RBX1: variants seen among roughly 807,000 people sequenced by gnomAD.
RBX1 encodes the protein ring-box 1.
For missense variants in RBX1, 46 were observed against 141.4 expected (o/e 0.33, Z 3.42); for synonymous variants, 48 against 47.9 (o/e 1.00, Z -0.01).
intron 4 of RBX1, among the ~76,000 whole-genome samples, chr22:40,969,100 G>A (rs1194875031): frequency 2.6e-5 from 4 of 152,184 alleles, no homozygotes; most frequent in Non-Finnish European, 4.4e-5. Context: ...GATCACCTGA[G>A]GTTGGGTGTT....
chr22:40,954,291 C>G (rs925393610), intron 2 of RBX1, among the ~76,000 whole-genome samples: 2 of 150,836 alleles, frequency 1.3e-5, no homozygotes, highest in African/African-American at 2.4e-5. Context: ...AAAAGTCTAT[C>G]TGATCTAATT....
intron 1 of RBX1, among the ~76,000 whole-genome samples, chr22:40,951,809 G>A (rs6002207): frequency 0.056 from 8,446 of 150,944 alleles, 316 homozygotes; most frequent in East Asian, 0.19. Flanking sequence ...GGTAGGGTGG[G>A]GTGGGGTGGG....
At chr22:40,957,369 G>A (rs1177514698) in intron 2 of RBX1, among the ~76,000 whole-genome samples, 1 of 151,626 alleles carries the variant, frequency 6.6e-6, no homozygotes, top group Non-Finnish European at 1.5e-5. Context: ...CTCTTGGCCA[G>A]GTGAGGTGGG....
intron 4 of RBX1, 40 bp from the exon 5 acceptor site, chr22:40,972,436 T>G (rs909758993): frequency 1.3e-6 from 2 of 1,566,632 alleles, no homozygotes; most frequent in African/African-American, 2.7e-5. Flanking sequence ...AACAGGAAAT[T>G]ATCTTGGAAT....
chr22:40,965,101 G>C (rs1228133806), intron 3 of RBX1, among the ~76,000 whole-genome samples: 2 of 152,114 alleles, frequency 1.3e-5, no homozygotes, highest in Non-Finnish European at 2.9e-5. Context: ...TCAGCAGATG[G>C]AGACATCCTG....
At chr22:40,967,994 GT>G in intron 4 of RBX1, 110 bp downstream of exon 4, 1 of 545,556 alleles carries the variant, frequency 1.8e-6, no homozygotes. Flanking sequence ...TTTAAAACTA[GT>G]TTTTGGTTAC....
intron 2 of RBX1, among the ~76,000 whole-genome samples, chr22:40,963,438 C>T (rs1331608836): frequency 6.6e-6 from 1 of 151,896 alleles, no homozygotes; most frequent in Non-Finnish European, 1.5e-5. Context: ...GAGTTTGAGA[C>T]CAGCCTGGCC....
At chr22:40,952,983 CTTTTTTTTTTTTTT>C (rs34618218) in intron 1 of RBX1, among the ~76,000 whole-genome samples, 12 of 86,870 alleles carry the variant, frequency 1.4e-4, no homozygotes, top group African/African-American at 3.8e-4. Flanking sequence ...AGTTTGTGCC[CTTTTTTTTTTTTTT>C]TTTTTTTTTT....
intron 3 of RBX1, 42 bp from the exon 4 acceptor site, chr22:40,967,757 C>T: frequency 1.3e-6 from 2 of 1,542,552 alleles, no homozygotes; most frequent in South Asian, 2.3e-5. Context: ...ATGGCTGAGC[C>T]TGCATAGAGT....
chr22:40,964,353 G>C (rs1709665142), intron 3 of RBX1: 1 of 382,072 alleles, frequency 2.6e-6, no homozygotes, highest in Admixed American at 4.1e-5. Flanking sequence ...ACCCAATTTT[G>C]TTAGCAGTAT....
intron 2 of RBX1, among the ~76,000 whole-genome samples, chr22:40,956,425 T>C (rs1052823134): frequency 7.8e-5 from 11 of 141,846 alleles, no homozygotes; most frequent in African/African-American, 2.9e-4. Context: ...AAAGACAGAG[T>C]CTCTGTCGCT....
intron 2 of RBX1, among the ~76,000 whole-genome samples, chr22:40,960,486 C>T (rs1165485139): frequency 6.6e-6 from 1 of 152,018 alleles, no homozygotes; most frequent in African/African-American, 2.4e-5. Context: ...TGAAGGGAGC[C>T]TGAAGGGTTC....
At chr22:40,954,217 C>T (rs1277778685) in intron 2 of RBX1, among the ~76,000 whole-genome samples, 1 of 149,408 alleles carries the variant, frequency 6.7e-6, no homozygotes, top group Non-Finnish European at 1.5e-5. Context: ...GGCAGTGAGC[C>T]GAGATCACAC....
intron 3 of RBX1, 68 bp downstream of exon 3, chr22:40,964,185 C>A: frequency 8.0e-7 from 1 of 1,251,834 alleles, no homozygotes; most frequent in Non-Finnish European, 1.2e-6. Flanking sequence ...CTTTGCTAGT[C>A]TTGAAAATAA....
chr22:40,964,418 T>C, intron 3 of RBX1: 1 of 269,874 alleles, frequency 3.7e-6, no homozygotes, highest in Non-Finnish European at 7.3e-6. Flanking sequence ...CCCTTTGGAA[T>C]ATTCTCGTGG....
chr22:40,971,141 A>G (rs1384173707), intron 4 of RBX1, among the ~76,000 whole-genome samples: 1 of 152,160 alleles, frequency 6.6e-6, no homozygotes, highest in Admixed American at 6.6e-5. Context: ...TTGCCAGTAC[A>G]TGTGCCCAGG....
rs1438650404 is a variant in RBX1 at position 40,972,485 on chromosome 22, C to T, written c.324C>T (p.His108=). 1.9e-6 allele frequency: 3 copies of T among 1,605,472 alleles called. No individual in the cohort carries two copies. The highest frequency in any genetic ancestry group is 1.6e-4 in the Middle Eastern group (1 of 6,070). ...TTACTTTGTCTTTCAGGTATGGGCA[C>T]TAGGAAAAGACTTCTTCCATCAAGC... ...NREWEFQKYG[H] The change falls in exon 5 of 5, where the codon CAC becomes CAT. Residue 108 remains histidine, a synonymous_variant. Transcript: ENST00000216225.
intron 2 of RBX1, among the ~76,000 whole-genome samples, chr22:40,955,275 T>C (rs1053848784): frequency 6.6e-6 from 1 of 151,236 alleles, no homozygotes; most frequent in African/African-American, 2.4e-5. Context: ...TTTTTTTTTT[T>C]GTTTTTTTCA....
rs943575956 is a variant in RBX1, at chr22:40,953,503, ATGTG to A, written c.79-44_79-41del. On this transcript the variant is annotated intron_variant, in intron 1 of 4. Transcript: ENST00000216225. ...GCTGCAGCCTGAGGTCCTAAAGAGT[ATGTG>A]TGTGTGTTACAAGCAGAATGCACTG... is the stretch of plus-strand genomic sequence containing the variant. The A allele has an allele frequency of 5.1e-6, 6 of 1,178,258 alleles. No homozygotes were observed. In the African/African-American group the frequency reaches 7.5e-5, roughly 15 times the overall value. 73.0% of individuals were successfully genotyped at this position (1,178,258 alleles called of 1,614,324 possible). A position where few individuals can be genotyped will look rare whatever the true frequency, so the allele number is the denominator to read the frequency against.
Sources: gnomAD v4.1 joint callset for allele counts (sites outside exome capture counted in the v4.1 genomes callset) on GRCh38, gnomAD v4.1.1 for gene constraint, MANE v1.5 for transcripts, NCBI Gene and HGNC (gene_info 2026-07-23, HGNC 2026-07-21) for gene names.